Variants in DGKG observed in about 807,000 individuals in gnomAD.
The protein encoded by DGKG is DAG kinase gamma.
Under a neutral mutation model 105.3 loss-of-function variants are expected in DGKG, and 78 were observed. The observed-to-expected ratio is 0.74, with a 90% CI of 0.62 to 0.89. The LOEUF is 0.89. Among genes scored for constraint, DGKG ranks in the 40% least tolerant of loss-of-function variants. The pLI, the probability that DGKG is intolerant of heterozygous loss-of-function variation, is 0.00. For synonymous variants in DGKG, 346 were observed against 367.1 expected (o/e 0.94, Z 0.66); for missense variants, 958 against 1,020.1 (o/e 0.94, Z 0.83).
chr3:186,340,475 C>A (rs1169205656), intron 1 of DGKG, among the ~76,000 whole-genome samples: 1 of 152,130 alleles, frequency 6.6e-6, no homozygotes, highest in African/African-American at 2.4e-5. Flanking sequence ...AAATAGCCAA[C>A]AGAAACCAGC....
chr3:186,258,014 T>C, intron 16 of DGKG, 75 bp from the exon 17 acceptor site: 2 of 1,073,960 alleles, frequency 1.9e-6, no homozygotes, highest in Non-Finnish European at 2.9e-6. Context: ...TGAGTCAGAG[T>C]CTGCCCTGTT....
rs1725032009 is a variant in DGKG at position 186,320,601 on chromosome 3, T to C, written c.-142A>G. On this transcript the variant is annotated 5_prime_UTR_variant, in exon 2 of 25. Transcript: ENST00000265022. ...AGACTTCTGGGAGCACTCAAGTGTATACAGCAGCAGCAGGCACCTCTCAGA... is the reference window on the plus strand; with the variant it reads ...AGACTTCTGGGAGCACTCAAGTGTACACAGCAGCAGCAGGCACCTCTCAGA... 7 of 1,407,642 alleles carry C rather than the reference T, an allele frequency of 5.0e-6. No homozygotes were observed. Among genetic ancestry groups the C allele is most frequent in the Non-Finnish European group, 6.7e-6 (7 of 1,046,350 alleles). 87.2% of individuals were successfully genotyped at this position (1,407,642 alleles called of 1,614,324 possible).
intron 22 of DGKG, 34 bp downstream of exon 22, chr3:186,188,168 T>G: frequency 1.9e-6 from 3 of 1,611,776 alleles, no homozygotes; most frequent in Non-Finnish European, 2.5e-6. Context: ...TACTGGGCAT[T>G]GACCTAAAAC....
intron 22 of DGKG, among the ~76,000 whole-genome samples, chr3:186,165,647 G>C (rs1716506000): frequency 6.6e-6 from 1 of 152,186 alleles, no homozygotes; most frequent in Non-Finnish European, 1.5e-5. Flanking sequence ...GAAAAGGAGG[G>C]GCAGGAAGTA....
rs1304316623 is a variant in DGKG at position 186,147,634 on chromosome 3, T to G, written c.*2456A>C. 1.0e-6 allele frequency: 1 copy of G among 985,256 alleles called. No individual in the cohort carries two copies. The highest frequency in any genetic ancestry group is 1.7e-5 in the African/African-American group (1 of 57,212). 61.0% of individuals were successfully genotyped at this position (985,256 alleles called of 1,614,324 possible). A position where few individuals can be genotyped will look rare whatever the true frequency, so the allele number is the denominator to read the frequency against. ...ACATTGCAAGTCCTGTGCACTAGGG[T>G]GCAGCAGGTAAGGGCCATTTTCTGC... On this transcript the variant is annotated 3_prime_UTR_variant, in exon 25 of 25. Coordinates refer to ENST00000265022, the MANE Select transcript of DGKG (RefSeq NM_001346.3).
intron 1 of DGKG, among the ~76,000 whole-genome samples, chr3:186,356,466 A>C (rs931962046): frequency 1.3e-5 from 2 of 152,224 alleles, no homozygotes; most frequent in African/African-American, 4.8e-5. Flanking sequence ...ATGCAGTTCA[A>C]GAGCAAGTTT....
intron 24 of DGKG, among the ~76,000 whole-genome samples, chr3:186,152,725 G>A (rs1269320963): frequency 6.6e-6 from 1 of 152,128 alleles, no homozygotes; most frequent in Non-Finnish European, 1.5e-5. Flanking sequence ...GTGCAGTGAT[G>A]CAATCTCGGC....
In DGKG at chr3:186,307,046, C is replaced by G. The variant is rs530939848; in HGVS notation, c.68-69G>C. The G allele has an allele frequency of 4.2e-5, 44 of 1,048,712 alleles. No individual in the cohort carries two copies. In the African/African-American group the frequency reaches 5.9e-4, roughly 14 times the overall value. The allele number at this position is 1,048,712 out of a possible 1,614,324, so 65.0% of individuals were successfully genotyped here. The stretch of plus-strand genomic sequence containing the variant: ...ATGGAAGCTGGGCCAAGTAAATTCT[C>G]CCTGTGTAACCATGTTTATGTTGGA... On this transcript the variant is annotated intron_variant, in intron 2 of 24. Transcript: ENST00000265022.
intron 22 of DGKG, among the ~76,000 whole-genome samples, chr3:186,175,436 C>T (rs963560116): frequency 1.3e-5 from 2 of 152,176 alleles, no homozygotes; most frequent in Non-Finnish European, 2.9e-5. Flanking sequence ...TTCTCCAGGG[C>T]TCCGATGAAG....
chr3:186,307,118 A>G (rs1724284998), intron 2 of DGKG, 141 bp from the exon 3 acceptor site: 1 of 639,388 alleles, frequency 1.6e-6, no homozygotes, highest in Non-Finnish European at 2.8e-6. Context: ...ACCCTCTTCT[A>G]CCCTTTGTCC....
chr3:186,189,843 T>C (rs1202289259), intron 21 of DGKG, among the ~76,000 whole-genome samples: 6 of 152,146 alleles, frequency 3.9e-5, no homozygotes, highest in Non-Finnish European at 2.9e-5. Context: ...TTGATCTGGA[T>C]TCTCTCTCAC....
intron 24 of DGKG, among the ~76,000 whole-genome samples, chr3:186,152,818 C>T (rs941547117): frequency 6.6e-6 from 1 of 152,134 alleles, no homozygotes; most frequent in Non-Finnish European, 1.5e-5. Flanking sequence ...TGCTTATCAC[C>T]ATGCCTGGCT....
At chr3:186,247,989 C>T (rs554442964) in intron 19 of DGKG, among the ~76,000 whole-genome samples, 93 of 151,162 alleles carry the variant, frequency 6.2e-4, no homozygotes, top group African/African-American at 2.2e-3. Flanking sequence ...TCCTTCCTTC[C>T]TCCCTTCCTT....
chr3:186,177,400 T>C (rs918259666), intron 22 of DGKG, among the ~76,000 whole-genome samples: 2 of 152,226 alleles, frequency 1.3e-5, no homozygotes, highest in African/African-American at 4.8e-5. Context: ...TTTCATCTTG[T>C]TCATTCATTT....
chr3:186,219,617 A>G (rs1007035527), intron 20 of DGKG, among the ~76,000 whole-genome samples: 1 of 152,200 alleles, frequency 6.6e-6, no homozygotes, highest in African/African-American at 2.4e-5. Context: ...ACTTGGGACA[A>G]GACTGGTGTT....
At position 186,193,711 on chromosome 3, in the gene DGKG, G is replaced by C. The variant is rs551036270; in HGVS notation, c.1918-5332C>G. On this transcript the variant is annotated intron_variant, in intron 21 of 24. Transcript: ENST00000265022. ...ACGCTGTCGGCCTAAATGGAACGCC[G>C]GCCCCGGGGCCCGCTCCCCGGCGGG... Among the ~76,000 whole-genome samples the C allele has an allele frequency of 2.1e-4, 32 of 152,306 alleles. No individual in the cohort carries two copies. In the South Asian group the frequency reaches 6.2e-3, roughly 30 times the overall value.
intron 3 of DGKG, among the ~76,000 whole-genome samples, chr3:186,299,258 A>G (rs1165515306): frequency 6.6e-6 from 1 of 152,218 alleles, no homozygotes; most frequent in Admixed American, 6.5e-5. Flanking sequence ...CCTTTGCAGG[A>G]GCCTACTTGA....
chr3:186,277,677 G>A (rs1433141850), intron 9 of DGKG, among the ~76,000 whole-genome samples: 1 of 152,156 alleles, frequency 6.6e-6, no homozygotes, highest in Non-Finnish European at 1.5e-5. Context: ...CGTGACTTGG[G>A]ATAAAGTAAC....
chr3:186,227,667 T>A lies in DGKG; in HGVS notation c.1826+14837A>T, dbSNP rs189494360. Reference sequence around the variant, plus strand: ...AAATTTCCTTTGGCCCAATAATAAGTGCATTACAACGTTTTTTAGTAAATG... The same window carrying A: ...AAATTTCCTTTGGCCCAATAATAAGAGCATTACAACGTTTTTTAGTAAATG... On this transcript the variant is annotated intron_variant, in intron 20 of 24. Transcript: ENST00000265022. 2.0e-3 allele frequency among the ~76,000 whole-genome samples: 309 copies of A among 152,314 alleles called. 1 individual carries two copies. Among genetic ancestry groups the A allele is most frequent in the African/African-American group, 7.2e-3 (301 of 41,582 alleles).
Sources: allele counts gnomAD v4.1 joint callset (sites outside exome capture counted in the v4.1 genomes callset), GRCh38; gene constraint gnomAD v4.1.1; transcripts MANE v1.5; gene names NCBI Gene and HGNC (gene_info 2026-07-23, HGNC 2026-07-21).